The following KAZN variants were observed in gnomAD, a reference collection of about 807,000 sequenced individuals.
The protein encoded by KAZN is kazrin.
KAZN carries 40 observed loss-of-function variants against 87.4 expected under a neutral mutation model. That is an observed-to-expected ratio of 0.46 (90% CI 0.36 to 0.60). The LOEUF is 0.60. Ranked by LOEUF, KAZN falls within the 20% of genes least tolerant of loss-of-function variation. The pLI is 0.00. For missense variants in KAZN, 898 were observed against 1,073.9 expected (o/e 0.84, Z 2.29); for synonymous variants, 466 against 458.3 (o/e 1.02, Z -0.22).
chr1:14,946,304 T>G (rs28602431), intron 1 of KAZN: 46,051 of 150,490 alleles, frequency 0.31, 11,034 homozygotes, highest in African/African-American at 0.67. Flanking sequence ...TCTGGACTTC[T>G]TTTAAATTCT....
At chr1:14,586,605 A>C (rs1675866378) in intron 2 of KAZN, among the ~76,000 whole-genome samples, 1 of 147,124 alleles carries the variant, frequency 6.8e-6, no homozygotes, top group East Asian at 2.0e-4. Context: ...ATCATAGCTC[A>C]CTGAAGCCTC....
chr1:14,414,395 C>T (rs1398161703), intron 2 of KAZN, among the ~76,000 whole-genome samples: 2 of 147,634 alleles, frequency 1.4e-5, no homozygotes, highest in East Asian at 3.9e-4. Context: ...AGGAAGGAGC[C>T]AAGAATCCAC....
chr1:14,591,764 T>C (rs918064081), intron 2 of KAZN, among the ~76,000 whole-genome samples: 38 of 152,328 alleles, frequency 2.5e-4, no homozygotes, highest in African/African-American at 7.5e-4. Flanking sequence ...ATAACTCTGC[T>C]GTGTGTCCAC....
chr1:14,255,769 CATT>C (rs1034139642), intron 2 of KAZN, among the ~76,000 whole-genome samples: 3 of 152,188 alleles, frequency 2.0e-5, no homozygotes, highest in African/African-American at 7.2e-5. Context: ...GAGGTAGTAT[CATT>C]ATGTCCATTT....
At chr1:15,108,991 A>G (rs1641394263) in intron 13 of KAZN, among the ~76,000 whole-genome samples, 1 of 152,136 alleles carries the variant, frequency 6.6e-6, no homozygotes, top group African/African-American at 2.4e-5. Flanking sequence ...TGTGGAAAAA[A>G]TAAGGAGGGA....
chr1:14,001,866 A>G (rs529331481), intron 1 of KAZN, among the ~76,000 whole-genome samples: 2 of 152,340 alleles, frequency 1.3e-5, no homozygotes, highest in South Asian at 4.1e-4. Context: ...TGGATTAAAG[A>G]CTTAAATGTA....
intron 2 of KAZN, among the ~76,000 whole-genome samples, chr1:14,406,838 ACT>A (rs1269864871): frequency 6.6e-6 from 1 of 152,028 alleles, no homozygotes; most frequent in Non-Finnish European, 1.5e-5. Context: ...ACACACTCAC[ACT>A]CTTTGTGTCT....
chr1:14,170,918 C>T (rs577054403), intron 1 of KAZN, among the ~76,000 whole-genome samples: 57 of 152,212 alleles, frequency 3.7e-4, no homozygotes, highest in African/African-American at 1.3e-3. Flanking sequence ...GATGGGGTTT[C>T]GATGAGGCTG....
chr1:14,776,755 T>C (rs1423507142), intron 1 of KAZN, among the ~76,000 whole-genome samples: 3 of 151,930 alleles, frequency 2.0e-5, no homozygotes, highest in African/African-American at 7.3e-5. Context: ...AGAAAGACCT[T>C]ATCTCCACAA....
At chr1:13,934,732 T>G (rs1640655006) in intron 1 of KAZN, among the ~76,000 whole-genome samples, 1 of 152,192 alleles carries the variant, frequency 6.6e-6, no homozygotes, top group African/African-American at 2.4e-5. Flanking sequence ...CTCTGACCAC[T>G]GGGCTTCCGG....
chr1:14,788,347 G>A (rs565336079), intron 1 of KAZN, among the ~76,000 whole-genome samples: 9 of 152,192 alleles, frequency 5.9e-5, no homozygotes, highest in Non-Finnish European at 1.2e-4. Flanking sequence ...AGATGGTTGG[G>A]ACTCCAATAG....
chr1:14,382,487 G>C (rs1661458218), intron 2 of KAZN, among the ~76,000 whole-genome samples: 1 of 69,874 alleles, frequency 1.4e-5, no homozygotes, highest in Non-Finnish European at 2.6e-5. Flanking sequence ...CCCCACAACA[G>C]GCCCCAGAGT....
At chr1:14,161,612 A>G (rs1226326310) in intron 1 of KAZN, among the ~76,000 whole-genome samples, 1 of 152,164 alleles carries the variant, frequency 6.6e-6, no homozygotes, top group Admixed American at 6.5e-5. Context: ...CATTTCCACA[A>G]TATCTTGTTG....
intron 2 of KAZN, among the ~76,000 whole-genome samples, chr1:14,300,086 T>C (rs547803076): frequency 6.6e-6 from 1 of 152,036 alleles, no homozygotes; most frequent in Non-Finnish European, 1.5e-5. Context: ...GCAAAGGTGC[T>C]GTGGCAGGAA....
chr1:14,050,297 T>C (rs577342757), intron 1 of KAZN, among the ~76,000 whole-genome samples: 10 of 152,338 alleles, frequency 6.6e-5, no homozygotes, highest in African/African-American at 2.4e-4. Flanking sequence ...GAGCACTGGA[T>C]ACTTCTCTAA....
chr1:14,614,190 C>T (rs1678036672), intron 1 of KAZN, among the ~76,000 whole-genome samples: 1 of 152,216 alleles, frequency 6.6e-6, no homozygotes, highest in South Asian at 2.1e-4. Context: ...TATGCCAACA[C>T]TGGATAATGG....
chr1:14,910,259 G>A (rs918859158), intron 1 of KAZN, among the ~76,000 whole-genome samples: 3 of 152,072 alleles, frequency 2.0e-5, no homozygotes, highest in Non-Finnish European at 2.9e-5. Flanking sequence ...CCAGGAGTGC[G>A]AGTGAGCGCT....
intron 1 of KAZN, among the ~76,000 whole-genome samples, chr1:14,944,825 A>G (rs1369619870): frequency 1.3e-5 from 2 of 152,248 alleles, no homozygotes; most frequent in African/African-American, 2.4e-5. Flanking sequence ...CAATATCAGC[A>G]ATATCAGCCC....
rs74682528 is a variant in KAZN at position 14,885,661 on chromosome 1, T to C, written c.227-75023T>C. Among the ~76,000 whole-genome samples the C allele has an allele frequency of 3.4e-3, 514 of 152,104 alleles. 9 individuals carry two copies. The East Asian group carries it at 0.068, about 20-fold the overall frequency. On this transcript the variant is annotated intron_variant, in intron 1 of 14. Transcript: ENST00000376030. The stretch of plus-strand genomic sequence containing the variant: ...CCGTGCCTGGCCTTATTTTCCTTCA[T>C]AGAATCAATTAAGCAGTACCGTGTA...
Sources: allele counts gnomAD v4.1 joint callset (sites outside exome capture counted in the v4.1 genomes callset), GRCh38; gene constraint gnomAD v4.1.1; transcripts MANE v1.5; gene names NCBI Gene and HGNC (gene_info 2026-07-23, HGNC 2026-07-21).